Variants in NIBAN3 observed in about 807,000 individuals in gnomAD.
The protein encoded by NIBAN3 is niban apoptosis regulator 3.
A neutral mutation model predicts 76.4 loss-of-function variants in NIBAN3; 66 were observed. The ratio of observed to expected loss-of-function variants is 0.86; its 90% CI spans 0.71 to 1.06. NIBAN3 has a LOEUF of 1.06. NIBAN3 is among the 50% of genes least tolerant of loss of function. The pLI is 0.00. For missense variants in NIBAN3, 808 were observed against 810.7 expected (o/e 1.00, Z 0.04); for synonymous variants, 360 against 355.2 (o/e 1.01, Z -0.15).
At chr19:17,525,705 G>C (rs892232037), upstream of NIBAN3, among the ~76,000 whole-genome samples, 14 of 152,176 alleles carry the variant, frequency 9.2e-5, no homozygotes, top group Admixed American at 4.6e-4. Context: ...GAGCGATGAG[G>C]CTGGGCCCTC....
At chr19:17,547,017 A>G (rs2076068182) in intron 13 of NIBAN3, among the ~76,000 whole-genome samples, 1 of 152,112 alleles carries the variant, frequency 6.6e-6, no homozygotes, top group Non-Finnish European at 1.5e-5. Context: ...TGAGGGATGT[A>G]TAGGAGTTCT....
At position 17,532,356 on chromosome 19, in the gene NIBAN3, G is replaced by T. The variant is rs1451880344; in HGVS notation, c.280G>T (p.Asp94Tyr). ...WQPIFCVLRGDGRLEWFSHKE... is the reference protein window; with the variant it reads ...WQPIFCVLRGYGRLEWFSHKE... ...GCCGATCTTCTGTGTTCTGCGTGGG[G>T]ACGGCCGCCTAGAGTGGTTCAGCCA... The change falls in exon 3 of 15, where the codon GAC becomes TAC. Residue 94 changes from aspartate (D) to tyrosine (Y), a missense_variant. Transcript: ENST00000599164. 1 of 1,614,196 alleles carries T rather than the reference G, an allele frequency of 6.2e-7. No individual in the cohort carries two copies. The highest frequency in any genetic ancestry group is 8.5e-7 in the Non-Finnish European group (1 of 1,180,032).
intron 12 of NIBAN3, among the ~76,000 whole-genome samples, chr19:17,544,927 G>C (rs1039719964): frequency 6.6e-6 from 1 of 152,110 alleles, no homozygotes; most frequent in African/African-American, 2.4e-5. Context: ...TTAAAGATAA[G>C]GAAACTGAGG....
intron 1 of NIBAN3, among the ~76,000 whole-genome samples, chr19:17,530,378 CA>C (rs2075696136): frequency 6.6e-6 from 1 of 151,096 alleles, no homozygotes; most frequent in Non-Finnish European, 1.5e-5. Context: ...CTAAAAAATA[CA>C]AAAATTAGCC....
At chr19:17,539,122 G>A in intron 5 of NIBAN3, 28 bp from the exon 6 acceptor site, 2 of 1,538,244 alleles carry the variant, frequency 1.3e-6, no homozygotes, top group South Asian at 1.2e-5. Context: ...GGAGCTACCA[G>A]CAGGCACTGA....
Position 17,539,761 on chromosome 19 carries a change from G to A in NIBAN3, c.975G>A (p.Leu325=), listed in dbSNP as rs1419593532. 4 of 1,530,678 alleles carry A rather than the reference G, an allele frequency of 2.6e-6. No individual in the cohort carries two copies. The highest frequency in any genetic ancestry group is 2.4e-5 in the South Asian group (2 of 83,432). The allele number at this position is 1,530,678 out of a possible 1,614,324, so 94.8% of individuals were successfully genotyped here. ...LRQRARVAGR[L]RTDIRGPLES... Reference sequence around the variant, plus strand: ...AGCGGGCGCGTGTGGCGGGGCGGCTGAGGAGTGAGGCCCTGGGGCGGAGCC... The same window carrying A: ...AGCGGGCGCGTGTGGCGGGGCGGCTAAGGAGTGAGGCCCTGGGGCGGAGCC... Residue 325 remains leucine (L), a synonymous_variant, in exon 8 of 15, where the codon CTG becomes CTA. Coordinates refer to ENST00000599164, the MANE Select transcript of NIBAN3 (RefSeq NM_001321827.2).
chr19:17,531,196 G>A (rs374126195), intron 2 of NIBAN3, among the ~76,000 whole-genome samples: 8 of 151,966 alleles, frequency 5.3e-5, no homozygotes, highest in Middle Eastern at 3.4e-3. Flanking sequence ...ACCCTGTAGC[G>A]CGCACCTGTA....
chr19:17,554,866 G>C (rs1353883985), downstream of NIBAN3, among the ~76,000 whole-genome samples: 2 of 148,884 alleles, frequency 1.3e-5, no homozygotes, highest in East Asian at 3.9e-4. Context: ...TAAAAATAGA[G>C]GCACGGTCTT....
Position 17,546,750 on chromosome 19 carries a change from T to C in NIBAN3, c.1619T>C (p.Ile540Thr). Residue 540 changes from isoleucine to threonine, a missense_variant, in exon 13 of 15, where the codon ATC becomes ACC. Coordinates refer to ENST00000599164, the MANE Select transcript of NIBAN3 (RefSeq NM_001321827.2). ...AGCCAGGCTCTGACCACTGAGGGCATCTATGAGGACGTCATCCGGGGGTGC... is the reference window on the plus strand; with the variant it reads ...AGCCAGGCTCTGACCACTGAGGGCACCTATGAGGACGTCATCCGGGGGTGC... The part of the protein sequence containing the change: ...VGSQALTTEG[I>T]YEDVIRGCLL... 1 of 1,606,108 alleles carries C rather than the reference T, an allele frequency of 6.2e-7. No homozygotes were observed. The highest frequency in any genetic ancestry group is 2.2e-5 in the East Asian group (1 of 44,552).
Position 17,539,471 on chromosome 19 carries a change from CCGGGATAGGGGG to C in NIBAN3, c.816+27_816+38del. 1 of 1,461,560 alleles carries C rather than the reference CCGGGATAGGGGG, an allele frequency of 6.8e-7. No individual in the cohort carries two copies. Among genetic ancestry groups the C allele is most frequent in the Non-Finnish European group, 9.0e-7 (1 of 1,107,072 alleles). The allele number at this position is 1,461,560 out of a possible 1,614,324, so 90.5% of individuals were successfully genotyped here. On this transcript the variant is annotated intron_variant, in intron 7 of 14. Transcript: ENST00000599164. Reference sequence around the variant, plus strand: ...ACCGAGGTATGCACGGCGTCCGGATCCGGGATAGGGGGCGGGATGCGGGCGTTCGGGTTCCCC... The same window carrying C: ...ACCGAGGTATGCACGGCGTCCGGATCCGGGATGCGGGCGTTCGGGTTCCCC...
Position 17,540,491 on chromosome 19 carries a change from T to C in NIBAN3, c.1079T>C (p.Leu360Pro). The C allele has an allele frequency of 6.3e-7, 1 of 1,599,412 alleles. No individual in the cohort carries two copies. The highest frequency in any genetic ancestry group is 8.5e-7 in the Non-Finnish European group (1 of 1,173,298). ...CTGCTGCGCACCGTGGAAGCCTCGC[T>C]CGAGGCGGTGCGGACCCTCCTGGCT... The part of the protein sequence containing the change: ...QTLLRTVEAS[L>P]EAVRTLLAQG... The change falls in exon 9 of 15, where the codon CTC becomes CCC. Residue 360 changes from leucine to proline, a missense_variant. Transcript: ENST00000599164.
In NIBAN3 at chr19:17,539,742, C is replaced by G; in HGVS notation, c.956C>G (p.Ala319Gly). 6.5e-7 allele frequency: 1 copy of G among 1,538,322 alleles called. No homozygotes were observed. Among genetic ancestry groups the G allele is most frequent in the East Asian group, 2.4e-5 (1 of 41,188 alleles). ...PDVDQLLRQR[A>G]RVAGRLRTDI... Reference sequence around the variant, plus strand: ...GTGGACCAGCTGCTGCGGCAGCGGGCGCGTGTGGCGGGGCGGCTGAGGAGT... The same window carrying G: ...GTGGACCAGCTGCTGCGGCAGCGGGGGCGTGTGGCGGGGCGGCTGAGGAGT... The change falls in exon 8 of 15, where the codon GCG (alanine) becomes GGG (glycine). Residue 319 changes from alanine (A) to glycine (G), a missense_variant. Transcript: ENST00000599164.
In NIBAN3 at chr19:17,551,829, G is replaced by T. The variant is rs2076162027; in HGVS notation, c.1794G>T (p.Arg598Ser). The T allele has an allele frequency of 1.3e-6, 1 of 780,018 alleles. No individual in the cohort carries two copies. Among genetic ancestry groups the T allele is most frequent in the Non-Finnish European group, 2.4e-6 (1 of 417,490 alleles). The allele number at this position is 780,018 out of a possible 1,614,324, so 48.3% of individuals were successfully genotyped here. The change falls in exon 15 of 15, where the codon AGG becomes AGT. Residue 598 changes from arginine to serine, a missense_variant. Arg to Ser is a moderately radical substitution (Grantham distance 110). Transcript: ENST00000599164. ...EAEREGGACP[R>S]QPDSGAQIQP... ...AGCGGGAAGGAGGGGCTTGTCCCAG[G>T]CAGCCAGACTCTGGTGCCCAGATCC...
chr19:17,527,797 C>A (rs1358303845), intron 1 of NIBAN3, among the ~76,000 whole-genome samples: 1 of 151,828 alleles, frequency 6.6e-6, no homozygotes, highest in African/African-American at 2.4e-5. Context: ...TGGGCTCAAG[C>A]GATCCTCCCG....
chr19:17,539,287 A>ACCCGGGACC (rs2075889937), intron 6 of NIBAN3, 22 bp downstream of exon 6: 3 of 1,575,358 alleles, frequency 1.9e-6, no homozygotes, highest in Non-Finnish European at 2.6e-6. Flanking sequence ...GCGAGGCCGC[A>ACCCGGGACC]CCCGGGACCC....
rs199734357 is a variant in NIBAN3, at chr19:17,542,170, C to T, written c.1205C>T (p.Ala402Val). The T allele has an allele frequency of 4.0e-4, 640 of 1,614,034 alleles. 1 individual carries two copies. Among genetic ancestry groups the T allele is most frequent in the Non-Finnish European group, 4.8e-4 (561 of 1,180,022 alleles). The change falls in exon 10 of 15, where the codon GCG becomes GTG. Residue 402 changes from alanine (A) to valine (V), a missense_variant. Coordinates refer to ENST00000599164, the MANE Select transcript of NIBAN3 (RefSeq NM_001321827.2). The surrounding 1 kb of genome is among the most constrained non-coding windows in gnomAD (Gnocchi z 4.8). ...TTTGGGGAGATGCCGTGGGACTTGG[C>T]GCTGATGCAGACATGCTACCGTGAG... is the stretch of plus-strand genomic sequence containing the variant. ...YSFGEMPWDL[A>V]LMQTCYREAE...
chr19:17,555,458 C>A (rs1486972588), downstream of NIBAN3: 1 of 222,734 alleles, frequency 4.5e-6, no homozygotes, highest in Non-Finnish European at 8.4e-6. Context: ...AACGCTACCC[C>A]TAACATCCCT....
intron 13 of NIBAN3, among the ~76,000 whole-genome samples, chr19:17,548,575 C>T (rs1273022707): frequency 6.6e-6 from 1 of 151,970 alleles, no homozygotes; most frequent in Non-Finnish European, 1.5e-5. Flanking sequence ...GTGTGGAGAA[C>T]AGAGGGGAAT....
chr19:17,548,347 A>T (rs2076096275), intron 13 of NIBAN3, among the ~76,000 whole-genome samples: 1 of 152,152 alleles, frequency 6.6e-6, no homozygotes, highest in Admixed American at 6.6e-5. Flanking sequence ...GTGGGGAGCC[A>T]TGGAGGGTGT....
Sources: gnomAD v4.1 joint callset for allele counts (sites outside exome capture counted in the v4.1 genomes callset) on GRCh38, gnomAD v4.1.1 for gene constraint, Gnocchi (gnomAD v3.1) non-coding constraint, MANE v1.5 for transcripts, NCBI Gene and HGNC (gene_info 2026-07-23, HGNC 2026-07-21) for gene names.